The following SLC12A6 variants were observed in gnomAD, a reference collection of about 807,000 sequenced individuals.
SLC12A6 encodes the protein K-Cl cotransporter 3.
Under a neutral mutation model 135.3 loss-of-function variants are expected in SLC12A6, and 66 were observed. The ratio of observed to expected loss-of-function variants is 0.49; its 90% CI spans 0.40 to 0.60. The LOEUF (loss-of-function observed/expected upper bound fraction) is 0.60. Among genes scored for constraint, SLC12A6 ranks in the 20% least tolerant of loss-of-function variants. The probability of loss-of-function intolerance (pLI) is 0.00; values close to 1 mark genes in which losing one functional copy is unlikely to be tolerated. For synonymous variants in SLC12A6, 513 were observed against 508.8 expected (o/e 1.01, Z -0.11); for missense variants, 1,058 against 1,452.3 (o/e 0.73, Z 4.41).
At chr15:34,315,905 C>G (rs1385884786) in intron 2 of SLC12A6, among the ~76,000 whole-genome samples, 2 of 152,068 alleles carry the variant, frequency 1.3e-5, no homozygotes, top group Non-Finnish European at 2.9e-5. Context: ...CGCCACTGCA[C>G]TCTAGCCTGG....
chr15:34,254,260 A>G (rs546716837), intron 9 of SLC12A6, 88 bp downstream of exon 9: 11 of 1,324,504 alleles, frequency 8.3e-6, no homozygotes, highest in South Asian at 1.2e-5. Flanking sequence ...GAGAGACTCT[A>G]TGAAATTCTG....
At chr15:34,241,598 C>CA (rs1891648923) in intron 17 of SLC12A6, among the ~76,000 whole-genome samples, 1 of 151,926 alleles carries the variant, frequency 6.6e-6, no homozygotes, top group South Asian at 2.1e-4. Flanking sequence ...TGTAATTGTT[C>CA]AAAACAATAA....
At position 34,255,340 on chromosome 15, in the gene SLC12A6, C is replaced by T. The variant is rs2140727374; in HGVS notation, c.798G>A (p.Gly266=). ...CAAGATAAAAGCAGAGGCCAACAGC[C>T]CCACCAAACTCTGGGCCCAGTGCCC... The part of the protein sequence containing the change: ...ISRALGPEFG[G]AVGLCFYLGT... The change falls in exon 8 of 26, where the codon GGG becomes GGA. Residue 266 remains glycine, a synonymous_variant. Transcript: ENST00000354181. The T allele has an allele frequency of 6.2e-7, 1 of 1,609,536 alleles. No homozygotes were observed.
At chr15:34,333,242 T>C (rs1415314703) in intron 2 of SLC12A6, among the ~76,000 whole-genome samples, 1 of 150,534 alleles carries the variant, frequency 6.6e-6, no homozygotes, top group Non-Finnish European at 1.5e-5. Flanking sequence ...CTTTTTTTTT[T>C]TTTTTGAGAC....
intron 3 of SLC12A6, among the ~76,000 whole-genome samples, chr15:34,267,479 T>G (rs1417772887): frequency 2.0e-5 from 3 of 152,220 alleles, no homozygotes; most frequent in Non-Finnish European, 4.4e-5. Context: ...GACTGTCCTG[T>G]GCACTGTAGA....
intron 19 of SLC12A6, among the ~76,000 whole-genome samples, chr15:34,240,365 A>C (rs1891560616): frequency 6.6e-6 from 1 of 152,146 alleles, no homozygotes; most frequent in African/African-American, 2.4e-5. Flanking sequence ...TCAAGGGATC[A>C]ATTTATTTAC....
At chr15:34,235,407 G>T in intron 24 of SLC12A6, 93 bp from the exon 25 acceptor site, 2 of 915,526 alleles carry the variant, frequency 2.2e-6, no homozygotes, top group Non-Finnish European at 3.5e-6. Flanking sequence ...TTTTTCACTT[G>T]ACTATGGATA....
rs371696267 is a variant in SLC12A6, at chr15:34,260,999, C to T, written c.338G>A (p.Arg113Gln). Residue 113 changes from arginine (R) to glutamine (Q), a missense_variant, in exon 4 of 26, where the codon CGA becomes CAA. Transcript: ENST00000354181. ...QLLDDGHKKA[R>Q]NAYLNNSNYE... ...ATTGGAATTATTGAGATAAGCATTT[C>T]GAGCTTTCTTATGTCCGTCGTCTGG... 6.0e-5 allele frequency: 94 copies of T among 1,572,348 alleles called. No homozygotes were observed. The highest frequency in any genetic ancestry group is 1.7e-4 in the Middle Eastern group (1 of 6,008).
intron 3 of SLC12A6, among the ~76,000 whole-genome samples, chr15:34,265,856 T>C (rs1430328291): frequency 6.6e-6 from 1 of 151,978 alleles, no homozygotes; most frequent in Non-Finnish European, 1.5e-5. Flanking sequence ...AAGGACAATA[T>C]AGCTAAAGGA....
chr15:34,258,674 G>T, intron 5 of SLC12A6, 139 bp downstream of exon 5: 1 of 781,444 alleles, frequency 1.3e-6, no homozygotes, highest in African/African-American at 1.7e-5. Flanking sequence ...GTGCTATGAC[G>T]CTGGTGCCCA....
At chr15:34,262,769 C>T (rs940100512) in intron 3 of SLC12A6, among the ~76,000 whole-genome samples, 3 of 152,156 alleles carry the variant, frequency 2.0e-5, no homozygotes, top group East Asian at 1.9e-4. Context: ...ACATACAGCC[C>T]GCTTCTGTCT....
At chr15:34,315,919 C>A (rs1461927246) in intron 2 of SLC12A6, among the ~76,000 whole-genome samples, 1 of 151,926 alleles carries the variant, frequency 6.6e-6, no homozygotes, top group Non-Finnish European at 1.5e-5. Context: ...AGCCTGGTGA[C>A]AGAGCGAGAC....
At chr15:34,261,845 T>C (rs771397807) in intron 3 of SLC12A6, among the ~76,000 whole-genome samples, 2 of 152,118 alleles carry the variant, frequency 1.3e-5, no homozygotes, top group Non-Finnish European at 2.9e-5. Context: ...TATTAAAAAG[T>C]CAAAAATAAC....
At chr15:34,334,343 A>AGTT (rs901000574) in intron 2 of SLC12A6, among the ~76,000 whole-genome samples, 15 of 152,248 alleles carry the variant, frequency 9.9e-5, no homozygotes, top group Middle Eastern at 3.2e-3. Flanking sequence ...GAAAGGATGC[A>AGTT]GTTGTTATCT....
chr15:34,265,941 T>G (rs1280824566), intron 3 of SLC12A6, among the ~76,000 whole-genome samples: 2 of 151,312 alleles, frequency 1.3e-5, no homozygotes, highest in African/African-American at 4.9e-5. Flanking sequence ...GGATAGATTT[T>G]CCAAAGGAGA....
intron 16 of SLC12A6, among the ~76,000 whole-genome samples, chr15:34,243,281 C>T (rs147334755): frequency 7.0e-4 from 106 of 152,252 alleles, no homozygotes; most frequent in African/African-American, 2.4e-3. Context: ...GCCCAGTAAA[C>T]GTTACATCAC....
chr15:34,259,017 C>A, intron 4 of SLC12A6, 73 bp from the exon 5 acceptor site: 3 of 1,288,746 alleles, frequency 2.3e-6, no homozygotes, highest in Non-Finnish European at 3.4e-6. Context: ...AATCTTGCTA[C>A]CAGAAAACTT....
At chr15:34,314,502 A>G (rs535294108) in intron 2 of SLC12A6, among the ~76,000 whole-genome samples, 10 of 151,790 alleles carry the variant, frequency 6.6e-5, no homozygotes, top group South Asian at 4.1e-4. Context: ...GCCTGCCAGC[A>G]TAACATCAAC....
intron 13 of SLC12A6, among the ~76,000 whole-genome samples, chr15:34,247,255 C>T (rs1420899842): frequency 6.6e-6 from 1 of 152,088 alleles, no homozygotes; most frequent in Non-Finnish European, 1.5e-5. Flanking sequence ...CGGTGGCTCA[C>T]GGCTGTAATC....
Sources: gnomAD v4.1 joint callset for allele counts (sites outside exome capture counted in the v4.1 genomes callset) on GRCh38, gnomAD v4.1.1 for gene constraint, MANE v1.5 for transcripts, NCBI Gene and HGNC (gene_info 2026-07-23, HGNC 2026-07-21) for gene names.